TTC28: variants seen among roughly 807,000 people sequenced by gnomAD.
The protein encoded by TTC28 is tetratricopeptide repeat domain 28.
A neutral mutation model predicts 198.0 loss-of-function variants in TTC28; 61 were observed. The observed-to-expected ratio is 0.31, with a 90% CI of 0.25 to 0.38. The LOEUF is 0.38. TTC28 is among the 10% of genes least tolerant of loss of function. TTC28 has a pLI of 1.00. For synonymous variants in TTC28, 1,171 were observed against 1,297.8 expected (o/e 0.90, Z 2.10); for missense variants, 2,678 against 3,164.0 (o/e 0.85, Z 3.69).
At chr22:28,566,576 C>T (rs899839016) in intron 2 of TTC28, among the ~76,000 whole-genome samples, 2 of 152,270 alleles carry the variant, frequency 1.3e-5, no homozygotes, top group Non-Finnish European at 2.9e-5. Flanking sequence ...AACTGTGCTA[C>T]ATGAACAATA....
chr22:28,162,171 T>C (rs1921293388), intron 6 of TTC28, among the ~76,000 whole-genome samples: 1 of 152,208 alleles, frequency 6.6e-6, no homozygotes, highest in East Asian at 1.9e-4. Flanking sequence ...CAGTTACCAA[T>C]TACTTGTCTC....
intron 2 of TTC28, among the ~76,000 whole-genome samples, chr22:28,345,050 C>G (rs2045884604): frequency 6.6e-6 from 1 of 152,158 alleles, no homozygotes; most frequent in Non-Finnish European, 1.5e-5. Flanking sequence ...AAACTCAGAT[C>G]TGACTTCAAA....
chr22:28,165,436 G>A (rs1050649600), intron 5 of TTC28, among the ~76,000 whole-genome samples: 3 of 151,676 alleles, frequency 2.0e-5, no homozygotes, highest in Admixed American at 6.6e-5. Context: ...GAGAAAGGTC[G>A]GGTTACCCAC....
At chr22:28,606,954 G>A (rs947053545) in intron 2 of TTC28, among the ~76,000 whole-genome samples, 1 of 152,150 alleles carries the variant, frequency 6.6e-6, no homozygotes, top group Non-Finnish European at 1.5e-5. Flanking sequence ...AGTATTTTAA[G>A]CTGAAGTAAT....
intron 5 of TTC28, among the ~76,000 whole-genome samples, chr22:28,266,273 C>T (rs541888010): frequency 3.1e-4 from 47 of 152,034 alleles, no homozygotes; most frequent in Non-Finnish European, 6.3e-4. Context: ...CTCTTAGTCC[C>T]GTTTTCCCTT....
chr22:28,092,209 G>A (rs1284378232), intron 12 of TTC28, among the ~76,000 whole-genome samples: 1 of 152,126 alleles, frequency 6.6e-6, no homozygotes, highest in Non-Finnish European at 1.5e-5. Flanking sequence ...ATGAAAGTTC[G>A]CTTCCAAGAG....
At chr22:28,221,815 C>T (rs1297528512) in intron 5 of TTC28, among the ~76,000 whole-genome samples, 1 of 152,206 alleles carries the variant, frequency 6.6e-6, no homozygotes, top group Non-Finnish European at 1.5e-5. Flanking sequence ...CAGACCTCTA[C>T]TGTGGCACTT....
intron 6 of TTC28, among the ~76,000 whole-genome samples, chr22:28,132,180 T>C (rs1304124007): frequency 6.6e-6 from 1 of 152,246 alleles, no homozygotes; most frequent in Non-Finnish European, 1.5e-5. Context: ...TGGAGTCTAA[T>C]ACGTGAATTG....
intron 2 of TTC28, among the ~76,000 whole-genome samples, chr22:28,343,098 A>G (rs1003112659): frequency 6.6e-6 from 1 of 152,224 alleles, no homozygotes; most frequent in African/African-American, 2.4e-5. Flanking sequence ...ATGCATACAA[A>G]ATGTATTGAT....
At chr22:28,247,878 C>T (rs1042383646) in intron 5 of TTC28, among the ~76,000 whole-genome samples, 43 of 152,270 alleles carry the variant, frequency 2.8e-4, no homozygotes, top group African/African-American at 9.6e-4. Flanking sequence ...TTTTGACTAC[C>T]TACCATGAGT....
At chr22:28,203,473 C>CA (rs760711069) in intron 5 of TTC28, among the ~76,000 whole-genome samples, 3 of 152,228 alleles carry the variant, frequency 2.0e-5, no homozygotes, top group South Asian at 2.1e-4. Context: ...CTAAGGTCCC[C>CA]AGTGCCTGAC....
chr22:28,310,654 T>C (rs1054467601), intron 2 of TTC28, among the ~76,000 whole-genome samples: 1 of 152,188 alleles, frequency 6.6e-6, no homozygotes, highest in Non-Finnish European at 1.5e-5. Flanking sequence ...ATGTAATAAA[T>C]ATATGTAATA....
At position 28,005,804 on chromosome 22, in the gene TTC28, A is replaced by G. The variant is rs1937909421; in HGVS notation, c.4219-4251T>C. On this transcript the variant is annotated intron_variant, in intron 14 of 22. Transcript: ENST00000397906. The surrounding 1 kb of genome is among the most constrained non-coding windows in gnomAD (Gnocchi z 4.9). ...GGCTAGCGCTTGCCAGCAACTCCAG[A>G]CTGGCTCTGGCCTGGCCAAACAGTG... Among the ~76,000 whole-genome samples the G allele has an allele frequency of 6.6e-6, 1 of 152,196 alleles. No homozygotes were observed. The highest frequency in any genetic ancestry group is 2.1e-4 in the South Asian group (1 of 4,830).
intron 6 of TTC28, among the ~76,000 whole-genome samples, chr22:28,159,761 ACT>A (rs1338645979): frequency 4.6e-5 from 7 of 152,144 alleles, no homozygotes; most frequent in African/African-American, 1.7e-4. Context: ...AGATATCTGT[ACT>A]TCTATTTTTT....
chr22:28,282,781 T>A lies in TTC28; in HGVS notation c.933+13417A>T, dbSNP rs550761094. Among the ~76,000 whole-genome samples, 9 of 152,178 alleles carry A rather than the reference T, an allele frequency of 5.9e-5. No homozygotes were observed. In the East Asian group the frequency reaches 1.7e-3, roughly 29 times the overall value. On this transcript the variant is annotated intron_variant, in intron 5 of 22. Coordinates refer to ENST00000397906, the MANE Select transcript of TTC28 (RefSeq NM_001145418.2). ...TGAAGAGACTACAAAATGTTATGAC[T>A]GAAAGAGAAGAATGAAAAATATAAT... is the stretch of plus-strand genomic sequence containing the variant.
chr22:28,175,464 G>T (rs1218187753), intron 5 of TTC28, among the ~76,000 whole-genome samples: 1 of 152,190 alleles, frequency 6.6e-6, no homozygotes, highest in Non-Finnish European at 1.5e-5. Context: ...AGGCCTGGTG[G>T]CTCATGCCTG....
chr22:28,054,339 T>C (rs1940193520), intron 12 of TTC28, among the ~76,000 whole-genome samples: 1 of 152,158 alleles, frequency 6.6e-6, no homozygotes, highest in Non-Finnish European at 1.5e-5. Context: ...CAATGGTCCC[T>C]CCCAGGGTTT....
intron 5 of TTC28, among the ~76,000 whole-genome samples, chr22:28,256,192 C>A (rs564503429): frequency 6.6e-6 from 1 of 151,280 alleles, no homozygotes; most frequent in South Asian, 2.1e-4. Context: ...GAGGCTGAGG[C>A]AGGCAGATCA....
intron 5 of TTC28, among the ~76,000 whole-genome samples, chr22:28,188,313 G>C (rs1222772832): frequency 2.6e-5 from 4 of 152,128 alleles, no homozygotes; most frequent in Admixed American, 6.5e-5. Context: ...ATGGATAAAT[G>C]GTAGCTAATT....
Sources: allele counts gnomAD v4.1 joint callset (sites outside exome capture counted in the v4.1 genomes callset), GRCh38; gene constraint gnomAD v4.1.1; non-coding constraint Gnocchi (gnomAD v3.1); transcripts MANE v1.5; gene names NCBI Gene and HGNC (gene_info 2026-07-23, HGNC 2026-07-21).